The following MREG variants were observed in gnomAD, a reference collection of about 807,000 sequenced individuals.
MREG encodes dilute suppressor protein homolog.
In MREG, 31 loss-of-function variants were observed where a neutral mutation model predicts 28.5. The observed-to-expected ratio is 1.09, with a 90% CI of 0.82 to 1.47. MREG has a LOEUF of 1.47. Among genes scored for constraint, MREG ranks in the 40% most tolerant of loss-of-function variants. The pLI, the probability that MREG is intolerant of heterozygous loss-of-function variation, is 0.00. For synonymous variants in MREG, 106 were observed against 95.2 expected (o/e 1.11, Z -0.66); for missense variants, 256 against 257.4 (o/e 0.99, Z 0.04).
intron 2 of MREG, among the ~76,000 whole-genome samples, chr2:215,968,458 C>G (rs1693004744): frequency 6.6e-6 from 1 of 152,152 alleles, no homozygotes; most frequent in South Asian, 2.1e-4. Flanking sequence ...CCACCCAAAG[C>G]TCATGGGACA....
At chr2:216,028,237 C>T (rs968879292) in intron 1 of MREG, among the ~76,000 whole-genome samples, 6 of 152,114 alleles carry the variant, frequency 3.9e-5, no homozygotes, top group Middle Eastern at 3.4e-3. Context: ...CCAGATAGGC[C>T]GGGCACGGTG....
chr2:216,014,448 A>G (rs1275630935), upstream of MREG, among the ~76,000 whole-genome samples: 3 of 152,154 alleles, frequency 2.0e-5, no homozygotes, highest in Non-Finnish European at 4.4e-5. Context: ...CAAGAGATTG[A>G]GACCATCCTG....
chr2:216,011,429 G>A (rs1694307402), intron 1 of MREG, among the ~76,000 whole-genome samples: 1 of 152,170 alleles, frequency 6.6e-6, no homozygotes, highest in Non-Finnish European at 1.5e-5. Flanking sequence ...TGTTAACTAT[G>A]TGTCACACTC....
chr2:216,029,168 T>C (rs966519613), intron 1 of MREG, among the ~76,000 whole-genome samples: 4 of 152,214 alleles, frequency 2.6e-5, no homozygotes, highest in Non-Finnish European at 4.4e-5. Flanking sequence ...AGCAGCTTGA[T>C]GGCAGCAGAT....
chr2:216,016,507 C>T (rs1694451305), upstream of MREG, among the ~76,000 whole-genome samples: 2 of 152,136 alleles, frequency 1.3e-5, no homozygotes. Context: ...AAGTGCTGTG[C>T]CCCATTACTA....
intron 2 of MREG, among the ~76,000 whole-genome samples, chr2:215,958,370 C>T (rs1219321608): frequency 6.6e-6 from 1 of 152,180 alleles, no homozygotes; most frequent in Admixed American, 6.5e-5. Context: ...CAGTTTCACT[C>T]ACTCACATGA....
intron 2 of MREG, among the ~76,000 whole-genome samples, chr2:215,958,419 T>C (rs1692690190): frequency 6.6e-6 from 1 of 152,186 alleles, no homozygotes; most frequent in Non-Finnish European, 1.5e-5. Context: ...CTGCACATTT[T>C]AACAAACATC....
chr2:216,011,266 C>T (rs16855258), intron 1 of MREG, among the ~76,000 whole-genome samples: 19,593 of 152,070 alleles, frequency 0.13, 1,537 homozygotes, highest in African/African-American at 0.22. Context: ...TATACACACA[C>T]GCCACTGTTC....
intron 4 of MREG, among the ~76,000 whole-genome samples, chr2:215,945,282 A>G (rs868698149): frequency 6.6e-5 from 10 of 152,190 alleles, no homozygotes; most frequent in African/African-American, 2.2e-4. Flanking sequence ...TTGACCTACA[A>G]ATGGTTCAGA....
At chr2:215,992,491 T>G (rs1693743080) in intron 2 of MREG, among the ~76,000 whole-genome samples, 1 of 152,232 alleles carries the variant, frequency 6.6e-6, no homozygotes, top group Non-Finnish European at 1.5e-5. Flanking sequence ...AGCATTCCCT[T>G]TGAAAACCGG....
At chr2:215,980,098 C>T (rs72950826) in intron 2 of MREG, among the ~76,000 whole-genome samples, 4,229 of 152,110 alleles carry the variant, frequency 0.028, 75 homozygotes, top group Non-Finnish European at 0.045. Flanking sequence ...AAGCACAATA[C>T]GCAGGAAATG....
chr2:215,946,357 G>A (rs1393661316), intron 3 of MREG, among the ~76,000 whole-genome samples: 3 of 151,400 alleles, frequency 2.0e-5, no homozygotes, highest in Non-Finnish European at 4.4e-5. Flanking sequence ...GGCCCCCCAC[G>A]CTTGAAAAGT....
chr2:216,002,572 C>T (rs1694044721), intron 1 of MREG, among the ~76,000 whole-genome samples: 1 of 152,228 alleles, frequency 6.6e-6, no homozygotes, highest in African/African-American at 2.4e-5. Flanking sequence ...AACCAACGGT[C>T]CAGAAAAACA....
upstream of MREG, among the ~76,000 whole-genome samples, chr2:216,015,444 G>A (rs1275975119): frequency 2.0e-5 from 3 of 152,148 alleles, no homozygotes; most frequent in Non-Finnish European, 4.4e-5. Flanking sequence ...AGGGGGCCAT[G>A]GAAAGGGAAG....
upstream of MREG, among the ~76,000 whole-genome samples, chr2:216,015,011 TCAGA>T (rs1364979990): frequency 6.6e-6 from 1 of 152,062 alleles, no homozygotes; most frequent in African/African-American, 2.4e-5. Flanking sequence ...TAGTGGGAAG[TCAGA>T]CAAAGTATTA....
chr2:215,939,554 A>C (rs1337868859), downstream of MREG: 2 of 152,224 alleles, frequency 1.3e-5, no homozygotes, highest in Non-Finnish European at 2.9e-5. Context: ...AAGATCCGAC[A>C]ACATATCGTC....
chr2:216,022,187 G>A (rs991968064), intron 1 of MREG, among the ~76,000 whole-genome samples: 1 of 152,136 alleles, frequency 6.6e-6, no homozygotes, highest in Admixed American at 6.5e-5. Flanking sequence ...GGAGGTGGAG[G>A]TTGCAGTGAG....
intron 2 of MREG, among the ~76,000 whole-genome samples, chr2:215,953,521 T>A (rs963929237): frequency 2.0e-5 from 3 of 152,220 alleles, no homozygotes; most frequent in Non-Finnish European, 4.4e-5. Context: ...ATGAAGCTTC[T>A]GGAGCAATCA....
At chr2:215,949,318 G>A (rs1392065485) in intron 2 of MREG, among the ~76,000 whole-genome samples, 4 of 151,438 alleles carry the variant, frequency 2.6e-5, no homozygotes, top group African/African-American at 2.4e-5. Context: ...CCAGCACTTT[G>A]GGAGGCTGAG....
Sources: allele counts gnomAD v4.1 joint callset (sites outside exome capture counted in the v4.1 genomes callset), GRCh38; gene constraint gnomAD v4.1.1; transcripts MANE v1.5; gene names NCBI Gene and HGNC (gene_info 2026-07-23, HGNC 2026-07-21).